The following ATP2C1 variants were observed in gnomAD, a reference collection of about 807,000 sequenced individuals.
ATP2C1 encodes the protein ATPase secretory pathway Ca2+ transporting 1.
ATP2C1 carries 31 observed loss-of-function variants against 120.5 expected under a neutral mutation model. The observed-to-expected ratio is 0.26, with a 90% confidence interval of 0.19 to 0.35. The LOEUF is 0.35. Ranked by LOEUF, ATP2C1 falls within the 10% of genes least tolerant of loss-of-function variation. The pLI, the probability that ATP2C1 is intolerant of heterozygous loss-of-function variation, is 1.00. For missense variants in ATP2C1, 731 were observed against 1,107.5 expected, an observed-to-expected ratio of 0.66 and a Z score of 4.83; for synonymous variants, 351 against 358.7, an observed-to-expected ratio of 0.98 and a Z score of 0.24.
At chr3:130,977,128 C>T (rs1044058573) in intron 18 of ATP2C1, among the ~76,000 whole-genome samples, 1 of 152,020 alleles carries the variant, frequency 6.6e-6, no homozygotes, top group Non-Finnish European at 1.5e-5. Flanking sequence ...TGCAGGGAGG[C>T]CTTGCTGCCA....
chr3:131,011,427 T>C (rs1486915955), intron 26 of ATP2C1, among the ~76,000 whole-genome samples: 1 of 152,228 alleles, frequency 6.6e-6, no homozygotes. Flanking sequence ...GAAGACAGTT[T>C]CCAAAGCCTA....
At chr3:130,992,203 G>T (rs1230364469) in intron 20 of ATP2C1, among the ~76,000 whole-genome samples, 1 of 152,150 alleles carries the variant, frequency 6.6e-6, no homozygotes, top group Non-Finnish European at 1.5e-5. Context: ...GGCTCCCCCA[G>T]TGGTACTATT....
exon 27 of ATP2C1, chr3:131,016,189 A>C (rs1560056578): frequency 6.2e-7 from 1 of 1,614,138 alleles, no homozygotes; most frequent in Non-Finnish European, 8.5e-7. Flanking sequence ...CAGCTGGTTG[A>C]GATACATCCC....
rs532394251 is a variant in ATP2C1, at chr3:130,955,388, T to G, written c.756+308T>G. 2.0e-5 allele frequency among the ~76,000 whole-genome samples: 3 copies of G among 152,236 alleles called. No individual in the cohort carries two copies. The South Asian group carries it at 6.2e-4, about 31-fold the overall frequency. Reference sequence around the variant, plus strand: ...TGTGGTAATTTTAAGGATTAGTAATTAGTATATTTGTACCTTGGAATATGT... The same window carrying G: ...TGTGGTAATTTTAAGGATTAGTAATGAGTATATTTGTACCTTGGAATATGT... On this transcript the variant is annotated intron_variant, in intron 10 of 27. Coordinates refer to ENST00000510168, the MANE Select transcript of ATP2C1 (RefSeq NM_001378687.1).
intron 20 of ATP2C1, among the ~76,000 whole-genome samples, chr3:130,983,535 G>A (rs996445355): frequency 2.6e-5 from 4 of 152,102 alleles, no homozygotes; most frequent in African/African-American, 9.7e-5. Context: ...CCTTTCTAGG[G>A]GTTTTGACAA....
rs2069403498 is a variant in ATP2C1 at position 130,894,512 on chromosome 3, G to A, written c.-180-78G>A. On this transcript the variant is annotated intron_variant, in intron 1 of 27. Coordinates refer to ENST00000510168, the MANE Select transcript of ATP2C1 (RefSeq NM_001378687.1). This position sits in a 1 kb window ranked among gnomAD's most constrained non-coding sequence, Gnocchi z 4.5. ...CGGGTGCGGGATCTTGGGGAGGGGG[G>A]CTCCCGAGATAGTGGCTGGGCGGGG... 2 of 1,388,840 alleles carry A rather than the reference G, an allele frequency of 1.4e-6. No homozygotes were observed. Among genetic ancestry groups the A allele is most frequent in the African/African-American group, 1.5e-5 (1 of 68,548 alleles). 86.0% of individuals were successfully genotyped at this position (1,388,840 alleles called of 1,614,324 possible).
chr3:130,961,673 A>G (rs1329718141), intron 12 of ATP2C1, among the ~76,000 whole-genome samples: 1 of 152,018 alleles, frequency 6.6e-6, no homozygotes, highest in African/African-American at 2.4e-5. Flanking sequence ...AGAAGGTGTA[A>G]AAGAAGTCTA....
chr3:130,972,634 C>T (rs1263836461), intron 17 of ATP2C1, among the ~76,000 whole-genome samples: 3 of 123,414 alleles, frequency 2.4e-5, no homozygotes, highest in African/African-American at 6.2e-5. Flanking sequence ...CCCCCCACCC[C>T]ACAACAGTCC....
At chr3:130,941,136 G>T (rs1439291659) in intron 7 of ATP2C1, among the ~76,000 whole-genome samples, 6 of 151,666 alleles carry the variant, frequency 4.0e-5, no homozygotes, top group Non-Finnish European at 8.8e-5. Context: ...GGATGGTCTC[G>T]ATCTCCTGAC....
At chr3:130,900,504 G>T (rs533634261) in intron 2 of ATP2C1, among the ~76,000 whole-genome samples, 17 of 152,156 alleles carry the variant, frequency 1.1e-4, no homozygotes, top group Admixed American at 1.1e-3. Context: ...AAATATATTT[G>T]CCATCAGCCT....
chr3:130,945,458 GC>G (rs1210546469), intron 8 of ATP2C1, among the ~76,000 whole-genome samples: 1 of 151,504 alleles, frequency 6.6e-6, no homozygotes, highest in African/African-American at 2.4e-5. Context: ...TTGGTGTGCA[GC>G]ACCCATTAAC....
At chr3:130,907,212 AG>A (rs1209776486) in intron 2 of ATP2C1, among the ~76,000 whole-genome samples, 2 of 152,042 alleles carry the variant, frequency 1.3e-5, no homozygotes, top group African/African-American at 4.8e-5. Flanking sequence ...TAATTATCAG[AG>A]ATATGGTTTG....
At chr3:130,971,725 C>T (rs1048750565) in intron 17 of ATP2C1, among the ~76,000 whole-genome samples, 6 of 152,122 alleles carry the variant, frequency 3.9e-5, no homozygotes, top group African/African-American at 7.2e-5. Context: ...CAATAGAACT[C>T]CCCCAAGTAC....
At chr3:130,961,967 T>G (rs910738548) in intron 12 of ATP2C1, among the ~76,000 whole-genome samples, 2 of 152,086 alleles carry the variant, frequency 1.3e-5, no homozygotes, top group African/African-American at 4.8e-5. Context: ...GTGAGCAATC[T>G]GTTTTTAAGG....
chr3:130,955,878 A>T, intron 10 of ATP2C1: 1 of 453,728 alleles, frequency 2.2e-6, no homozygotes, highest in South Asian at 2.3e-5. Context: ...TTCAAATAAT[A>T]AACAGGTTTT....
In ATP2C1 at chr3:130,964,039, T is replaced by A; in HGVS notation, c.968T>A (p.Met323Lys). The A allele has an allele frequency of 6.2e-7, 1 of 1,612,564 alleles. No individual in the cohort carries two copies. Among genetic ancestry groups the A allele is most frequent in the Non-Finnish European group, 8.5e-7 (1 of 1,178,792 alleles). ...VVTVTLALGV[M>K]RMVKKRAIVK... ...ACAGTGACGCTAGCTCTTGGTGTTA[T>A]GAGAATGGTGAAGAAAAGGGCCATT... Residue 323 changes from methionine (M) to lysine (K), a missense_variant, in exon 13 of 28, where the codon ATG (methionine) becomes AAG (lysine). Around this residue, in one of 3 missense-constraint regions of ATP2C1, gnomAD observed 571 missense variants for 845.9 expected, o/e 0.67. Coordinates refer to ENST00000510168, the MANE Select transcript of ATP2C1 (RefSeq NM_001378687.1).
intron 2 of ATP2C1, among the ~76,000 whole-genome samples, chr3:130,925,844 T>C (rs1225903210): frequency 6.6e-6 from 1 of 152,002 alleles, no homozygotes; most frequent in African/African-American, 2.4e-5. Flanking sequence ...AGTGGAGTTA[T>C]AGTCCCAGGG....
chr3:130,996,661 T>G lies in ATP2C1; in HGVS notation c.2127-19T>G. On this transcript the variant is annotated intron_variant, in intron 23 of 27. Coordinates refer to ENST00000510168, the MANE Select transcript of ATP2C1 (RefSeq NM_001378687.1). ...GATTTACTCTACTGATATTTTTAAA[T>G]GACTCTCTTTTTCAACAGGAGTATA... 6.8e-7 allele frequency: 1 copy of G among 1,465,976 alleles called. No homozygotes were observed. The highest frequency in any genetic ancestry group is 1.1e-5 in the South Asian group (1 of 87,968). 90.8% of individuals were successfully genotyped at this position (1,465,976 alleles called of 1,614,324 possible).
intron 20 of ATP2C1, among the ~76,000 whole-genome samples, chr3:130,983,579 C>A (rs1320003871): frequency 6.6e-6 from 1 of 152,176 alleles, no homozygotes; most frequent in African/African-American, 2.4e-5. Context: ...ATTACAATTT[C>A]TTTTGAGACG....
Sources: allele counts gnomAD v4.1 joint callset (sites outside exome capture counted in the v4.1 genomes callset), GRCh38; gene constraint gnomAD v4.1.1; regional missense constraint gnomAD v4.1.1; non-coding constraint Gnocchi (gnomAD v3.1); transcripts MANE v1.5; gene names NCBI Gene and HGNC (gene_info 2026-07-23, HGNC 2026-07-21).